Variants in N4BP1 observed in about 807,000 individuals in gnomAD.
N4BP1 encodes the protein NEDD4-binding protein 1.
In N4BP1, 21 loss-of-function variants were observed where a neutral mutation model predicts 70.9. The ratio of observed to expected loss-of-function variants is 0.30; its 90% confidence interval spans 0.21 to 0.43. The LOEUF (loss-of-function observed/expected upper bound fraction) is 0.43, where lower values mean the gene tolerates loss of function less well. Ranked by LOEUF, N4BP1 falls within the 20% of genes least tolerant of loss-of-function variation. N4BP1 has a pLI of 1.00. For synonymous variants in N4BP1, 387 were observed against 394.6 expected, an observed-to-expected ratio of 0.98 and a Z score of 0.23; for missense variants, 936 against 1,069.4, an observed-to-expected ratio of 0.88 and a Z score of 1.74.
chr16:48,543,180 G>A lies in N4BP1; in HGVS notation c.2415C>T (p.Ala805=). ...PSFRVPGTQA[A]STSHQPPTRI... ...GGGTCGGAGGCTGGTGGCTGGTGCTGGCTGCCTGGGTGCCAGGGACTCTGA... is the reference window on the plus strand; with the variant it reads ...GGGTCGGAGGCTGGTGGCTGGTGCTAGCTGCCTGGGTGCCAGGGACTCTGA... Residue 805 remains alanine, a synonymous_variant, in exon 7 of 7, where the codon GCC becomes GCT. Transcript: ENST00000262384. 6.3e-7 allele frequency: 1 copy of A among 1,594,814 alleles called. No individual in the cohort carries two copies. The highest frequency in any genetic ancestry group is 8.6e-7 in the Non-Finnish European group (1 of 1,167,314).
intron 4 of N4BP1, among the ~76,000 whole-genome samples, chr16:48,549,534 G>A (rs2151085795): frequency 1.3e-5 from 2 of 152,314 alleles, no homozygotes; most frequent in Admixed American, 1.3e-4. Flanking sequence ...GCCCTGCAGG[G>A]TCCCTGCCCG....
At chr16:48,606,791 T>C (rs1285431792) in intron 1 of N4BP1, among the ~76,000 whole-genome samples, 2 of 152,202 alleles carry the variant, frequency 1.3e-5, no homozygotes, top group Non-Finnish European at 1.5e-5. Context: ...AACCACTTGG[T>C]GGGACACAAG....
intron 2 of N4BP1, chr16:48,559,605 C>T (rs1963821743): frequency 6.6e-6 from 1 of 152,230 alleles, no homozygotes; most frequent in Admixed American, 6.5e-5. Flanking sequence ...TCACAGCAGC[C>T]AAGCTTCAGC....
chr16:48,563,660 G>T (rs188109864), intron 1 of N4BP1, among the ~76,000 whole-genome samples: 105 of 152,236 alleles, frequency 6.9e-4, no homozygotes, highest in African/African-American at 2.5e-3. Context: ...ATTACAATTA[G>T]TTGCTACTGA....
chr16:48,597,672 T>C, intron 1 of N4BP1, among the ~76,000 whole-genome samples: 1 of 151,278 alleles, frequency 6.6e-6, no homozygotes, highest in Middle Eastern at 3.2e-3. Context: ...CAATGAATGA[T>C]ATCTACACTT....
Position 48,553,601 on chromosome 16 carries a change from C to T in N4BP1, c.1958G>A (p.Gly653Asp). 1 of 1,606,172 alleles carries T rather than the reference C, an allele frequency of 6.2e-7. No homozygotes were observed. Among genetic ancestry groups the T allele is most frequent in the South Asian group, 1.1e-5 (1 of 88,834 alleles). ...GACAAATACAGTGATGTTTCTGTTG[C>T]CAAGCTTCCAAAAATATTCAACTGC... ...AIAVEYFWKL[G>D]NRNITVFVPQ... The change falls in exon 3 of 7, where the codon GGC becomes GAC. Residue 653 changes from glycine to aspartate, a missense_variant. Gly to Asp is a moderately conservative substitution (Grantham distance 94, BLOSUM62 -1). Coordinates refer to ENST00000262384, the MANE Select transcript of N4BP1 (RefSeq NM_153029.4).
intron 4 of N4BP1, among the ~76,000 whole-genome samples, chr16:48,548,523 A>T (rs1963620439): frequency 6.6e-6 from 1 of 152,208 alleles, no homozygotes; most frequent in African/African-American, 2.4e-5. Context: ...TAGTACAATC[A>T]GCCTTACAAT....
intron 3 of N4BP1, among the ~76,000 whole-genome samples, chr16:48,552,899 C>T (rs1188713): frequency 0.97 from 147,141 of 151,954 alleles, 71,282 homozygotes; most frequent in East Asian, 1. Context: ...AGTGACTAAA[C>T]TTCACTTCCT....
chr16:48,604,503 A>G (rs1196478180), intron 1 of N4BP1, among the ~76,000 whole-genome samples: 1 of 152,026 alleles, frequency 6.6e-6, no homozygotes, highest in South Asian at 2.1e-4. Context: ...AGCTGAGATC[A>G]TACCACTGCA....
chr16:48,575,967 T>C (rs1238053937), intron 1 of N4BP1, among the ~76,000 whole-genome samples: 1 of 151,622 alleles, frequency 6.6e-6, no homozygotes, highest in East Asian at 1.9e-4. Flanking sequence ...AAACTCAAAA[T>C]ATTAAGGAGG....
intron 1 of N4BP1, among the ~76,000 whole-genome samples, chr16:48,575,030 T>C (rs981943833): frequency 3.9e-5 from 6 of 152,208 alleles, no homozygotes. Context: ...TGCAAAATGC[T>C]TATGACTGCT....
intron 1 of N4BP1, among the ~76,000 whole-genome samples, chr16:48,595,137 C>G (rs1413022890): frequency 6.6e-6 from 1 of 152,130 alleles, no homozygotes; most frequent in Non-Finnish European, 1.5e-5. Flanking sequence ...TTTTTCTTTA[C>G]TTTTTTTGCT....
chr16:48,569,070 C>G (rs184174219), intron 1 of N4BP1, among the ~76,000 whole-genome samples: 4 of 152,246 alleles, frequency 2.6e-5, no homozygotes, highest in African/African-American at 9.6e-5. Flanking sequence ...TTTGGGATTG[C>G]CTGTGGAGTG....
In N4BP1 at chr16:48,541,207, G is replaced by T. The variant is rs1482748909; in HGVS notation, c.*1697C>A. 4 of 152,260 alleles carry T rather than the reference G, an allele frequency of 2.6e-5. No individual in the cohort carries two copies. Among genetic ancestry groups the T allele is most frequent in the Non-Finnish European group, 5.9e-5 (4 of 68,072 alleles). The allele number at this position is 152,260 out of a possible 1,614,324, so 9.4% of individuals were successfully genotyped here. A position where few individuals can be genotyped will look rare whatever the true frequency, so the allele number is the denominator to read the frequency against. On this transcript the variant is annotated 3_prime_UTR_variant, in exon 7 of 7. Coordinates refer to ENST00000262384, the MANE Select transcript of N4BP1 (RefSeq NM_153029.4). The stretch of plus-strand genomic sequence containing the variant: ...GCTGGACTGAACCATGAGCCAGAAG[G>T]CCAGAATCACTGCAAGACAGCTCCA...
intron 5 of N4BP1, 87 bp from the exon 6 acceptor site, chr16:48,546,341 C>T: frequency 1.2e-6 from 1 of 830,034 alleles, no homozygotes; most frequent in Non-Finnish European, 1.9e-6. Flanking sequence ...CACCTGATGC[C>T]AAAGCAACGG....
At chr16:48,598,131 C>T (rs1964445247) in intron 1 of N4BP1, among the ~76,000 whole-genome samples, 1 of 152,198 alleles carries the variant, frequency 6.6e-6, no homozygotes, top group African/African-American at 2.4e-5. Flanking sequence ...ATGACTGGGA[C>T]ACTCGTTCAG....
Position 48,562,263 on chromosome 16 carries a change from A to G in N4BP1, c.380T>C (p.Val127Ala), listed in dbSNP as rs776693840. 5 of 1,613,958 alleles carry G rather than the reference A, an allele frequency of 3.1e-6. No homozygotes were observed. Among genetic ancestry groups the G allele is most frequent in the Non-Finnish European group, 4.2e-6 (5 of 1,179,876 alleles). ...LLGIRGSAEA[V>A]VMARSHIQQF... ...TTGAATGTGACTCCTAGCCATGACC[A>G]CAGCCTCAGCACTTCCTCTGATGCC... The change falls in exon 2 of 7, where the codon GTG becomes GCG. Residue 127 changes from valine (V) to alanine (A), a missense_variant. Transcript: ENST00000262384.
In N4BP1 at chr16:48,606,218, G is replaced by A. The variant is rs547493863; in HGVS notation, c.198+3557C>T. On this transcript the variant is annotated intron_variant, in intron 1 of 6. Transcript: ENST00000262384. The stretch of plus-strand genomic sequence containing the variant: ...CCCTCCTGCCACCTGGCTTAAAACC[G>A]ACCCCTAAATCCCTACATCCACCAC... Among the ~76,000 whole-genome samples the A allele has an allele frequency of 4.6e-5, 7 of 152,052 alleles. No homozygotes were observed. In the South Asian group the frequency reaches 1.0e-3, roughly 23 times the overall value.
In N4BP1 at chr16:48,562,207, T is replaced by C; in HGVS notation, c.436A>G (p.Asn146Asp). 1.2e-6 allele frequency: 2 copies of C among 1,613,948 alleles called. No homozygotes were observed. Among genetic ancestry groups the C allele is most frequent in the Non-Finnish European group, 1.7e-6 (2 of 1,179,880 alleles). Residue 146 changes from asparagine to aspartate, a missense_variant, in exon 2 of 7, where the codon AAC (asparagine) becomes GAC (aspartate). Asn to Asp is a conservative substitution (Grantham distance 23). Coordinates refer to ENST00000262384, the MANE Select transcript of N4BP1 (RefSeq NM_153029.4). ...GATTCTTTCTGACTACTGGGTAGGTTCTCTTTATTTTCAAAGAGCTTTACA... is the reference window on the plus strand; with the variant it reads ...GATTCTTTCTGACTACTGGGTAGGTCCTCTTTATTTTCAAAGAGCTTTACA... Reference protein sequence around the residue: ...QFVKLFENKENLPSSQKESEV... With the variant: ...QFVKLFENKEDLPSSQKESEV...
Sources: allele counts gnomAD v4.1 joint callset (sites outside exome capture counted in the v4.1 genomes callset), GRCh38; gene constraint gnomAD v4.1.1; transcripts MANE v1.5; gene names NCBI Gene and HGNC (gene_info 2026-07-23, HGNC 2026-07-21).